Variants in COLEC12 observed in about 807,000 individuals in gnomAD.
COLEC12 encodes the protein collectin-12.
A neutral mutation model predicts 71.1 loss-of-function variants in COLEC12; 33 were observed. The ratio of observed to expected loss-of-function variants is 0.46; its 90% CI spans 0.35 to 0.62. COLEC12 has a LOEUF of 0.62. COLEC12 is among the 20% of genes least tolerant of loss of function. The probability of loss-of-function intolerance (pLI) is 0.00; values close to 1 mark genes in which losing one functional copy is unlikely to be tolerated. For synonymous variants in COLEC12, 350 were observed against 353.0 expected (o/e 0.99, Z 0.10); for missense variants, 765 against 916.1 (o/e 0.84, Z 2.13).
At chr18:401,854 G>A (rs990665763) in intron 2 of COLEC12, among the ~76,000 whole-genome samples, 12 of 152,122 alleles carry the variant, frequency 7.9e-5, no homozygotes, top group African/African-American at 2.7e-4. Context: ...CACTGGCCAC[G>A]CTACATGATG....
At chr18:453,854 C>T (rs1916811198) in intron 2 of COLEC12, among the ~76,000 whole-genome samples, 1 of 152,218 alleles carries the variant, frequency 6.6e-6, no homozygotes, top group Admixed American at 6.5e-5. Flanking sequence ...ACCTAAAAGT[C>T]ACCCTTAATC....
chr18:323,308 T>C (rs1354139361), intron 8 of COLEC12, among the ~76,000 whole-genome samples: 2 of 152,216 alleles, frequency 1.3e-5, no homozygotes, highest in Admixed American at 1.3e-4. Flanking sequence ...AAACCATCGA[T>C]TGGTGAGAGT....
At position 319,365 on chromosome 18, in the gene COLEC12, C is replaced by CATAT. The variant is rs1913642266; in HGVS notation, c.*679_*680insATAT. 2 of 68,284 alleles carry CATAT rather than the reference C, an allele frequency of 2.9e-5. No individual in the cohort carries two copies. The highest frequency in any genetic ancestry group is 1.8e-4 in the Admixed American group (1 of 5,552). 4.2% of individuals were successfully genotyped at this position (68,284 alleles called of 1,614,324 possible). A position where few individuals can be genotyped will look rare whatever the true frequency, so the allele number is the denominator to read the frequency against. ...AAATATATATATATATATATATATA[C>CATAT]ACATGTATATTTAATTATTTTTTTA... On this transcript the variant is annotated 3_prime_UTR_variant, in exon 10 of 10. Transcript: ENST00000400256.
chr18:413,720 C>T (rs973405950), intron 2 of COLEC12, among the ~76,000 whole-genome samples: 1 of 152,114 alleles, frequency 6.6e-6, no homozygotes, highest in Non-Finnish European at 1.5e-5. Flanking sequence ...CATAATGCCC[C>T]CAACCTGGAA....
intron 8 of COLEC12, among the ~76,000 whole-genome samples, chr18:331,418 T>C (rs1913977534): frequency 6.6e-6 from 1 of 152,210 alleles, no homozygotes; most frequent in African/African-American, 2.4e-5. Context: ...ATGAGTTTCA[T>C]GATTTTTTTC....
At chr18:490,052 T>C (rs1412763149) in intron 1 of COLEC12, among the ~76,000 whole-genome samples, 1 of 152,324 alleles carries the variant, frequency 6.6e-6, no homozygotes, top group Admixed American at 6.5e-5. Flanking sequence ...CTCTGTCCCA[T>C]GGAATGTGGC....
intron 2 of COLEC12, among the ~76,000 whole-genome samples, chr18:383,635 T>C (rs562101894): frequency 5.4e-4 from 82 of 152,144 alleles, no homozygotes; most frequent in Non-Finnish European, 8.7e-4. Context: ...CAACAATAGG[T>C]TGTAACCTCC....
At chr18:426,041 G>A (rs1373676589) in intron 2 of COLEC12, among the ~76,000 whole-genome samples, 3 of 152,150 alleles carry the variant, frequency 2.0e-5, no homozygotes, top group Non-Finnish European at 2.9e-5. Context: ...GAAAACAGAG[G>A]CACAGGATGT....
At chr18:472,749 T>C (rs956814543) in intron 2 of COLEC12, among the ~76,000 whole-genome samples, 10 of 150,954 alleles carry the variant, frequency 6.6e-5, no homozygotes, top group Non-Finnish European at 1.2e-4. Flanking sequence ...ATAGACTCCT[T>C]TGGAATTCCC....
intron 7 of COLEC12, among the ~76,000 whole-genome samples, chr18:332,395 C>T (rs114555496): frequency 5.6e-4 from 86 of 152,282 alleles, no homozygotes; most frequent in African/African-American, 1.8e-3. Flanking sequence ...TCAAAGAAAG[C>T]GCTGCATTGT....
At chr18:409,588 G>C (rs1216722099) in intron 2 of COLEC12, among the ~76,000 whole-genome samples, 1 of 152,160 alleles carries the variant, frequency 6.6e-6, no homozygotes, top group African/African-American at 2.4e-5. Context: ...AAGTACCAAT[G>C]AGTTGTTTTA....
In COLEC12 at chr18:480,887, A is replaced by T; in HGVS notation, c.8-130T>A. On this transcript the variant is annotated intron_variant, in intron 1 of 9. Transcript: ENST00000400256. This position sits in a 1 kb window ranked among gnomAD's most constrained non-coding sequence, Gnocchi z 4.1. Reference sequence around the variant, plus strand: ...TTTCCTTCTGCTCGTGGATCGCACCAGGCTTTCTGGAAGAGGCGGCAGGGG... The same window carrying T: ...TTTCCTTCTGCTCGTGGATCGCACCTGGCTTTCTGGAAGAGGCGGCAGGGG... 1.2e-6 allele frequency: 1 copy of T among 831,864 alleles called. No individual in the cohort carries two copies. The highest frequency in any genetic ancestry group is 2.1e-6 in the Non-Finnish European group (1 of 479,414). The allele number at this position is 831,864 out of a possible 1,614,324, so 51.5% of individuals were successfully genotyped here.
Position 333,241 on chromosome 18 carries a change from G to A in COLEC12, c.1817-98C>T, listed in dbSNP as rs539509715. The A allele has an allele frequency of 6.2e-4, 644 of 1,033,924 alleles. 1 individual carries two copies. The highest frequency in any genetic ancestry group is 8.5e-4 in the Non-Finnish European group (596 of 705,118). 64.0% of individuals were successfully genotyped at this position (1,033,924 alleles called of 1,614,324 possible). A position where few individuals can be genotyped will look rare whatever the true frequency, so the allele number is the denominator to read the frequency against. ...CAGAGGCCAAAACTGTGGTCCCGCT[G>A]GGAGCAGCCTGAGCGTCCCTGCACG... On this transcript the variant is annotated intron_variant, in intron 6 of 9. Coordinates refer to ENST00000400256, the MANE Select transcript of COLEC12 (RefSeq NM_130386.3).
intron 2 of COLEC12, among the ~76,000 whole-genome samples, chr18:410,608 A>G (rs757024928): frequency 6.6e-6 from 1 of 152,010 alleles, no homozygotes; most frequent in Non-Finnish European, 1.5e-5. Flanking sequence ...TATTTTTAGT[A>G]GAGACGGCGT....
chr18:382,928 C>CT (rs2143566225), intron 2 of COLEC12, among the ~76,000 whole-genome samples: 1 of 152,254 alleles, frequency 6.6e-6, no homozygotes, highest in African/African-American at 2.4e-5. Context: ...TTTATCATTT[C>CT]TTTTTTTGTG....
chr18:368,459 A>G (rs1914903593), intron 2 of COLEC12, among the ~76,000 whole-genome samples: 1 of 152,210 alleles, frequency 6.6e-6, no homozygotes, highest in African/African-American at 2.4e-5. Context: ...CTGTAGTCCC[A>G]GCTACTTGGG....
At chr18:493,840 A>C (rs192542443) in intron 1 of COLEC12, among the ~76,000 whole-genome samples, 187 of 152,356 alleles carry the variant, frequency 1.2e-3, no homozygotes, top group African/African-American at 4.4e-3. Context: ...TTATACATAC[A>C]TCTGTCCGAA....
At chr18:331,919 T>C (rs1042461558) in intron 7 of COLEC12, 142 bp from the exon 8 acceptor site, 2 of 618,750 alleles carry the variant, frequency 3.2e-6, no homozygotes, top group African/African-American at 1.8e-5. Context: ...TGCTTTCTGC[T>C]TTTTTCTTGC....
At chr18:391,302 C>T (rs531323422) in intron 2 of COLEC12, among the ~76,000 whole-genome samples, 6 of 152,294 alleles carry the variant, frequency 3.9e-5, no homozygotes, top group African/African-American at 7.2e-5. Flanking sequence ...GTGAGTGGTA[C>T]TGTGTGTGCG....
Sources: gnomAD v4.1 joint callset for allele counts (sites outside exome capture counted in the v4.1 genomes callset) on GRCh38, gnomAD v4.1.1 for gene constraint, Gnocchi (gnomAD v3.1) non-coding constraint, MANE v1.5 for transcripts, NCBI Gene and HGNC (gene_info 2026-07-23, HGNC 2026-07-21) for gene names.